Variants in CEP164 observed in about 807,000 individuals in gnomAD.
The protein encoded by CEP164 is centrosomal protein of 164 kDa.
Under a neutral mutation model 182.7 loss-of-function variants are expected in CEP164, and 162 were observed. The ratio of observed to expected loss-of-function variants is 0.89; its 90% CI spans 0.78 to 1.01. The LOEUF (loss-of-function observed/expected upper bound fraction) is 1.01, where lower values mean the gene tolerates loss of function less well. CEP164 is among the 50% of genes least tolerant of loss of function. The pLI is 0.00. For missense variants in CEP164, 1,735 were observed against 1,790.4 expected, an observed-to-expected ratio of 0.97 and a Z score of 0.56; for synonymous variants, 661 against 690.0, an observed-to-expected ratio of 0.96 and a Z score of 0.66.
intron 1 of CEP164, among the ~76,000 whole-genome samples, chr11:117,331,777 C>G (rs2036244973): frequency 6.7e-6 from 1 of 150,040 alleles, no homozygotes; most frequent in African/African-American, 2.5e-5. Context: ...GATAGGGTCT[C>G]ACTCTGTTGC....
intron 27 of CEP164, among the ~76,000 whole-genome samples, chr11:117,407,024 G>T (rs1193321403): frequency 6.6e-6 from 1 of 152,044 alleles, no homozygotes; most frequent in Non-Finnish European, 1.5e-5. Context: ...AACCCAGGAG[G>T]AGGTGGAGGT....
At chr11:117,348,032 T>A (rs944494717) in intron 4 of CEP164, among the ~76,000 whole-genome samples, 1 of 152,056 alleles carries the variant, frequency 6.6e-6, no homozygotes, top group Admixed American at 6.6e-5. Flanking sequence ...TACAGTGGTA[T>A]GATCATGACT....
chr11:117,398,207 A>ACTCC (rs1484427133), intron 27 of CEP164, among the ~76,000 whole-genome samples: 2 of 152,104 alleles, frequency 1.3e-5, no homozygotes, highest in Admixed American at 6.5e-5. Context: ...ATCTCCTTTG[A>ACTCC]CTCCATGTCT....
intron 26 of CEP164, 55 bp from the exon 27 acceptor site, chr11:117,397,036 C>T: frequency 6.6e-7 from 1 of 1,508,698 alleles, no homozygotes; most frequent in South Asian, 1.3e-5. Context: ...GCTGTGTGAC[C>T]CAGAGCAGAG....
chr11:117,393,219 A>G, intron 20 of CEP164, 93 bp downstream of exon 20: 4 of 1,506,332 alleles, frequency 2.7e-6, no homozygotes, highest in Admixed American at 1.9e-5. Flanking sequence ...ATGCACGCAC[A>G]TGCACACACA....
intron 27 of CEP164, among the ~76,000 whole-genome samples, chr11:117,398,637 G>A (rs772078563): frequency 6.6e-6 from 1 of 152,224 alleles, no homozygotes; most frequent in South Asian, 2.1e-4. Context: ...CTTCTGTGCA[G>A]CCGCAGGCTC....
At chr11:117,355,114 T>C in intron 5 of CEP164, 3 of 1,289,784 alleles carry the variant, frequency 2.3e-6, no homozygotes, top group Non-Finnish European at 3.0e-6. Flanking sequence ...GTTTCATGGG[T>C]GCCCTTCCCA....
rs201213488 is a variant in CEP164 at position 117,375,675 on chromosome 11, C to T, written c.1234-33C>T. 7.5e-6 allele frequency: 12 copies of T among 1,599,598 alleles called. No individual in the cohort carries two copies. In the East Asian group the frequency reaches 2.7e-4, roughly 36 times the overall value. On this transcript the variant is annotated intron_variant, in intron 10 of 32. Transcript: ENST00000278935. The stretch of plus-strand genomic sequence containing the variant: ...TGGTGGGTGTTGACTGTGACAGAGG[C>T]AGAGTTGACCTTTGCATCTCCACTG...
chr11:117,387,102 A>G lies in CEP164; in HGVS notation c.1725-101A>G, dbSNP rs971237110. The G allele has an allele frequency of 1.3e-5, 14 of 1,062,828 alleles. No homozygotes were observed. In the African/African-American group the frequency reaches 2.0e-4, roughly 15 times the overall value. 65.8% of individuals were successfully genotyped at this position (1,062,828 alleles called of 1,614,324 possible). A position where few individuals can be genotyped will look rare whatever the true frequency, so the allele number is the denominator to read the frequency against. On this transcript the variant is annotated intron_variant, in intron 14 of 32. Transcript: ENST00000278935. ...TTTGACTCCTGATTGTGGGCCCTCC[A>G]TTAGGATTCCATCTGTGATGTTCCG...
chr11:117,344,406 A>G (rs1253715263), intron 4 of CEP164, 129 bp downstream of exon 4: 2 of 613,132 alleles, frequency 3.3e-6, no homozygotes, highest in African/African-American at 1.9e-5. Context: ...GTACTGTGCC[A>G]CCCCTCTGCT....
intron 5 of CEP164, chr11:117,356,764 C>A: frequency 2.6e-6 from 2 of 760,340 alleles, no homozygotes; most frequent in Non-Finnish European, 3.4e-6. Flanking sequence ...ACCCAAATGG[C>A]CATTTTATGG....
At chr11:117,388,653 A>G (rs577604355) in intron 15 of CEP164, among the ~76,000 whole-genome samples, 1 of 152,218 alleles carries the variant, frequency 6.6e-6, no homozygotes, top group Non-Finnish European at 1.5e-5. Context: ...TAAAACTTCT[A>G]AAGTCCCTGC....
chr11:117,399,588 A>T lies in CEP164; in HGVS notation c.3501+2275A>T, dbSNP rs1466292334. Reference sequence around the variant, plus strand: ...TCTTCCACAGTGGTTGAACTAATTTATGCTTACACCAACAGTGCAAAAGCA... The same window carrying T: ...TCTTCCACAGTGGTTGAACTAATTTTTGCTTACACCAACAGTGCAAAAGCA... On this transcript the variant is annotated intron_variant, in intron 27 of 32. Coordinates refer to ENST00000278935, the MANE Select transcript of CEP164 (RefSeq NM_014956.5). 2.6e-5 allele frequency among the ~76,000 whole-genome samples: 4 copies of T among 152,220 alleles called. No individual in the cohort carries two copies. In the East Asian group the frequency reaches 7.7e-4, roughly 29 times the overall value.
In CEP164 at chr11:117,382,987, T is replaced by TG. The variant is rs1305461315; in HGVS notation, c.1724+48dup. 3 of 1,589,186 alleles carry TG rather than the reference T, an allele frequency of 1.9e-6. No individual in the cohort carries two copies. In the East Asian group the frequency reaches 6.7e-5, roughly 36 times the overall value. ...GTCTGTCCCTGACCTCCACTGCGTG[T>TG]GGGCTGCTTCAGTGCCTATTCACTC... On this transcript the variant is annotated intron_variant, in intron 14 of 32. Transcript: ENST00000278935.
intron 8 of CEP164, among the ~76,000 whole-genome samples, chr11:117,366,014 T>C (rs1037830364): frequency 1.1e-4 from 16 of 152,066 alleles, no homozygotes; most frequent in African/African-American, 3.4e-4. Context: ...ATGTCTGGAG[T>C]GGGTGGTGTT....
rs2047437758 is a variant in CEP164 at position 117,412,216 on chromosome 11, C to T, written c.*48C>T. On this transcript the variant is annotated 3_prime_UTR_variant, in exon 33 of 33. Coordinates refer to ENST00000278935, the MANE Select transcript of CEP164 (RefSeq NM_014956.5). The stretch of plus-strand genomic sequence containing the variant: ...CAGCCCAGCCTCTCCTCCACCCAGA[C>T]CAAGTGCCTGAGGAGCTGCCTGCCT... 1 of 1,535,996 alleles carries T rather than the reference C, an allele frequency of 6.5e-7. No individual in the cohort carries two copies. Among genetic ancestry groups the T allele is most frequent in the Non-Finnish European group, 8.9e-7 (1 of 1,122,420 alleles).
chr11:117,390,131 C>T (rs536251966), intron 15 of CEP164, among the ~76,000 whole-genome samples: 49 of 151,178 alleles, frequency 3.2e-4, no homozygotes, highest in Non-Finnish European at 5.8e-4. Flanking sequence ...TTAGTAGAGA[C>T]GGGGTTTCGC....
At chr11:117,324,440 CAAA>C (rs376068330), upstream of CEP164, among the ~76,000 whole-genome samples, 3 of 125,234 alleles carry the variant, frequency 2.4e-5, no homozygotes, top group African/African-American at 3.0e-5. Context: ...AACTCCCTCT[CAAA>C]AAAAAAAAAA....
At position 117,396,106 on chromosome 11, in the gene CEP164, GT is replaced by G; in HGVS notation, c.3144del (p.Glu1049ArgfsTer18). 1 of 1,594,320 alleles carries G rather than the reference GT, an allele frequency of 6.3e-7. No homozygotes were observed. The highest frequency in any genetic ancestry group is 8.6e-7 in the Non-Finnish European group (1 of 1,167,770). On this transcript the variant is annotated frameshift_variant, in exon 25 of 33. Coordinates refer to ENST00000278935, the MANE Select transcript of CEP164 (RefSeq NM_014956.5). LOFTEE classifies it high-confidence loss of function. ...KKQHLLREVT[V>X]EENNASPHFE... ...GCAGCACCTGTTGAGAGAAGTGACA[GT>G]TGAGGAAAATAATGCTTCCCCACAT...
Sources: gnomAD v4.1 joint callset for allele counts (sites outside exome capture counted in the v4.1 genomes callset) on GRCh38, gnomAD v4.1.1 for gene constraint, MANE v1.5 for transcripts, NCBI Gene and HGNC (gene_info 2026-07-23, HGNC 2026-07-21) for gene names.